Variants in PLA1A observed in about 807,000 individuals in gnomAD.
The protein encoded by PLA1A is phospholipase A1 member A.
In PLA1A, 47 loss-of-function variants were observed where a neutral mutation model predicts 49.4. That is an observed-to-expected ratio of 0.95 (90% CI 0.75 to 1.21). The LOEUF (loss-of-function observed/expected upper bound fraction) is 1.21, where lower values mean the gene tolerates loss of function less well. Ranked by LOEUF, PLA1A falls within the 50% of genes most tolerant of loss-of-function variation. The probability of loss-of-function intolerance (pLI) is 0.00; values close to 1 mark genes in which losing one functional copy is unlikely to be tolerated. For missense variants in PLA1A, 561 were observed against 563.9 expected, an observed-to-expected ratio of 0.99 and a Z score of 0.05; for synonymous variants, 224 against 207.9, an observed-to-expected ratio of 1.08 and a Z score of -0.67.
intron 4 of PLA1A, among the ~76,000 whole-genome samples, chr3:119,610,990 T>A (rs2082757128): frequency 6.6e-6 from 1 of 152,168 alleles, no homozygotes. Flanking sequence ...TTTTTGTATA[T>A]GGTGAGAGGT....
chr3:119,627,953 T>C (rs1177312746), intron 9 of PLA1A, among the ~76,000 whole-genome samples: 1 of 152,216 alleles, frequency 6.6e-6, no homozygotes, highest in Non-Finnish European at 1.5e-5. Context: ...TACTCCTCCC[T>C]CATCTTTGTC....
In PLA1A at chr3:119,597,947, G is replaced by C; in HGVS notation, c.34G>C (p.Val12Leu). 6.2e-7 allele frequency: 1 copy of C among 1,611,086 alleles called. No individual in the cohort carries two copies. The highest frequency in any genetic ancestry group is 8.5e-7 in the Non-Finnish European group (1 of 1,178,632). The change falls in exon 1 of 11, where the codon GTG becomes CTG. Residue 12 changes from valine to leucine, a missense_variant. Coordinates refer to ENST00000273371, the MANE Select transcript of PLA1A (RefSeq NM_015900.4). ...AGGTCCCTGGGAGAGCTGCTTCTGG[G>C]TGGGGGGCCTCATTTTGTGGCTCAG... ...PPGPWESCFW[V>L]GGLILWLSVG... is the part of the protein sequence containing the mutation.
At chr3:119,614,851 G>T (rs1179226825) in intron 5 of PLA1A, among the ~76,000 whole-genome samples, 1 of 152,184 alleles carries the variant, frequency 6.6e-6, no homozygotes, top group Admixed American at 6.5e-5. Context: ...CCTACATGGA[G>T]CTTACAGGCT....
intron 1 of PLA1A, 26 bp from the exon 2 acceptor site, chr3:119,606,748 G>A: frequency 1.3e-6 from 2 of 1,592,000 alleles, no homozygotes; most frequent in Non-Finnish European, 1.7e-6. Flanking sequence ...CTTGGATGTT[G>A]CTTGTTTTGT....
At chr3:119,620,965 C>T (rs1394584120) in intron 8 of PLA1A, among the ~76,000 whole-genome samples, 1 of 152,242 alleles carries the variant, frequency 6.6e-6, no homozygotes, top group Non-Finnish European at 1.5e-5. Context: ...TCCTCACCAC[C>T]ACCATGCTTC....
chr3:119,628,011 G>C (rs1005347337), intron 9 of PLA1A, among the ~76,000 whole-genome samples: 1 of 152,122 alleles, frequency 6.6e-6, no homozygotes, highest in Admixed American at 6.5e-5. Flanking sequence ...GGAATCTGGG[G>C]GGGCAAAGCC....
At chr3:119,604,554 A>G (rs2082661355) in intron 1 of PLA1A, among the ~76,000 whole-genome samples, 1 of 152,226 alleles carries the variant, frequency 6.6e-6, no homozygotes, top group Admixed American at 6.5e-5. Flanking sequence ...TAGGAGCTAA[A>G]AAAGTGGATT....
At position 119,628,741 on chromosome 3, in the gene PLA1A, G is replaced by A; in HGVS notation, c.1162G>A (p.Ala388Thr). Reference protein sequence around the residue: ...QRYGKGIIAHATPQCQINQVK... With the variant: ...QRYGKGIIAHTTPQCQINQVK... ...CTATGGGAAAGGAATCATAGCCCAT[G>A]CCACCCCACAATGCCAGATAAACCA... Residue 388 changes from alanine (A) to threonine (T), a missense_variant, in exon 10 of 11, where the codon GCC (alanine) becomes ACC (threonine). Physicochemically the swap from Ala to Thr is moderately conservative, Grantham distance 58. Transcript: ENST00000273371. 6.2e-7 allele frequency: 1 copy of A among 1,614,110 alleles called. No homozygotes were observed. The highest frequency in any genetic ancestry group is 8.5e-7 in the Non-Finnish European group (1 of 1,179,948).
rs1577133372 is a variant in PLA1A at position 119,600,329 on chromosome 3, A to G, written c.73+2343A>G. 5 of 701,668 alleles carry G rather than the reference A, an allele frequency of 7.1e-6. No individual in the cohort carries two copies. The East Asian group carries it at 1.1e-4, about 15-fold the overall frequency. 43.5% of individuals were successfully genotyped at this position (701,668 alleles called of 1,614,324 possible). A position where few individuals can be genotyped will look rare whatever the true frequency, so the allele number is the denominator to read the frequency against. On this transcript the variant is annotated intron_variant, in intron 1 of 10. Coordinates refer to ENST00000273371, the MANE Select transcript of PLA1A (RefSeq NM_015900.4). The stretch of plus-strand genomic sequence containing the variant: ...TTTAGATTGTTGAGCTCCTTGATCA[A>G]CCTGGCCCTTGAGCTTCCAGGCTGG...
chr3:119,625,497 G>A (rs1053267631), intron 9 of PLA1A, among the ~76,000 whole-genome samples: 2 of 152,320 alleles, frequency 1.3e-5, no homozygotes, highest in Middle Eastern at 6.8e-3. Context: ...CAGATGGAGA[G>A]GACATAGGAA....
intron 2 of PLA1A, 48 bp downstream of exon 2, chr3:119,607,023 T>C: frequency 7.0e-7 from 1 of 1,435,290 alleles, no homozygotes; most frequent in Non-Finnish European, 9.8e-7. Context: ...AATGATCAAG[T>C]AACCATAATA....
At chr3:119,600,909 C>T (rs1188138539) in intron 1 of PLA1A, among the ~76,000 whole-genome samples, 1 of 152,210 alleles carries the variant, frequency 6.6e-6, no homozygotes, top group African/African-American at 2.4e-5. Flanking sequence ...CTCTGTAAGG[C>T]CAGCCTGGGC....
At chr3:119,625,576 G>A (rs1293870168) in intron 9 of PLA1A, among the ~76,000 whole-genome samples, 1 of 152,216 alleles carries the variant, frequency 6.6e-6, no homozygotes, top group Non-Finnish European at 1.5e-5. Context: ...TCAGTAGGGA[G>A]GAGGGCCTCA....
intron 1 of PLA1A, among the ~76,000 whole-genome samples, chr3:119,601,048 CG>C (rs2082612001): frequency 6.6e-6 from 1 of 152,216 alleles, no homozygotes; most frequent in Non-Finnish European, 1.5e-5. Context: ...GCCTGCTTCC[CG>C]ACACATGCAC....
chr3:119,603,161 T>C (rs2082640420), intron 1 of PLA1A, among the ~76,000 whole-genome samples: 1 of 68,218 alleles, frequency 1.5e-5, no homozygotes, highest in African/African-American at 7.1e-5. Flanking sequence ...AGATGTAACA[T>C]GACTTGACTG....
chr3:119,613,295 A>G (rs1190797099), intron 5 of PLA1A, among the ~76,000 whole-genome samples, 177 bp downstream of exon 5: 1 of 152,226 alleles, frequency 6.6e-6, no homozygotes, highest in African/African-American at 2.4e-5. Context: ...GTCTCTGACC[A>G]CTGAGGTGAA....
At chr3:119,619,738 A>G (rs2082902667) in intron 8 of PLA1A, 86 bp downstream of exon 8, 1 of 932,832 alleles carries the variant, frequency 1.1e-6, no homozygotes, top group African/African-American at 1.6e-5. Context: ...GGTGGGAGTG[A>G]ATGATAAGAG....
intron 1 of PLA1A, among the ~76,000 whole-genome samples, chr3:119,603,588 C>T (rs1451141731): frequency 6.6e-6 from 1 of 152,008 alleles, no homozygotes; most frequent in Non-Finnish European, 1.5e-5. Context: ...TAAGTCTTTC[C>T]CTTCTCCCCT....
intron 7 of PLA1A, 124 bp downstream of exon 7, chr3:119,618,310 T>A: frequency 2.3e-6 from 2 of 878,556 alleles, no homozygotes; most frequent in Non-Finnish European, 3.6e-6. Flanking sequence ...AAAAGAAAAT[T>A]AAGCAATGAG....
Sources: allele counts gnomAD v4.1 joint callset (sites outside exome capture counted in the v4.1 genomes callset), GRCh38; gene constraint gnomAD v4.1.1; transcripts MANE v1.5; gene names NCBI Gene and HGNC (gene_info 2026-07-23, HGNC 2026-07-21).